FHIT: variants seen among roughly 807,000 people sequenced by gnomAD.
FHIT encodes the protein fragile histidine triad diadenosine triphosphatase, also known as bis(5'-adenosyl)-triphosphatase.
A neutral mutation model predicts 17.9 loss-of-function variants in FHIT; 19 were observed. That is an observed-to-expected ratio of 1.06 (90% CI 0.74 to 1.56). The LOEUF (loss-of-function observed/expected upper bound fraction) is 1.56. Among genes scored for constraint, FHIT ranks in the 40% most tolerant of loss-of-function variants. The pLI is 0.00. For missense variants in FHIT, 248 were observed against 189.2 expected, an observed-to-expected ratio of 1.31 and a Z score of -1.82; for synonymous variants, 81 against 69.7, an observed-to-expected ratio of 1.16 and a Z score of -0.81.
chr3:61,031,253 T>A (rs1015626192), intron 3 of FHIT, among the ~76,000 whole-genome samples: 6 of 152,232 alleles, frequency 3.9e-5, no homozygotes, highest in Admixed American at 6.5e-5. Context: ...AAACAAGTTA[T>A]TAAAATTTAT....
intron 3 of FHIT, among the ~76,000 whole-genome samples, chr3:60,835,363 A>T (rs539922840): frequency 2.9e-4 from 44 of 152,242 alleles, no homozygotes; most frequent in Non-Finnish European, 5.0e-4. Context: ...TGAACACAAC[A>T]TTTTTCTCCA....
intron 2 of FHIT, among the ~76,000 whole-genome samples, chr3:61,063,647 G>T (rs9311793): frequency 0.55 from 83,198 of 151,580 alleles, 23,934 homozygotes; most frequent in Non-Finnish European, 0.65. Context: ...GAATATGGGG[G>T]CCAGGACGTT....
Position 60,432,955 on chromosome 3 carries a change from C to A in FHIT, c.103+103905G>T, listed in dbSNP as rs566887591. Among the ~76,000 whole-genome samples the A allele has an allele frequency of 1.6e-3, 243 of 150,596 alleles. 3 individuals are homozygous for A. The highest frequency in any genetic ancestry group is 3.7e-4 in the Non-Finnish European group (25 of 67,784). On this transcript the variant is annotated intron_variant, in intron 5 of 9. Coordinates refer to ENST00000492590, the MANE Select transcript of FHIT (RefSeq NM_002012.4). ...ACTGTGATAACACTTAAGATACATACTCTTAAGAAAATTTTAAGTGCACTA... is the reference window on the plus strand; with the variant it reads ...ACTGTGATAACACTTAAGATACATAATCTTAAGAAAATTTTAAGTGCACTA...
At chr3:61,198,872 G>A (rs1205248424) in intron 2 of FHIT, among the ~76,000 whole-genome samples, 1 of 143,486 alleles carries the variant, frequency 7.0e-6, no homozygotes, top group Admixed American at 7.5e-5. Flanking sequence ...TCATAAAGAT[G>A]CTGTTGCTGC....
intron 5 of FHIT, among the ~76,000 whole-genome samples, chr3:60,161,276 C>G (rs1700925950): frequency 6.6e-6 from 1 of 152,174 alleles, no homozygotes. Context: ...ACAACCAAAC[C>G]CTTCCCATGG....
chr3:60,510,132 G>C (rs1033050783), intron 5 of FHIT, among the ~76,000 whole-genome samples: 2 of 152,132 alleles, frequency 1.3e-5, no homozygotes, highest in African/African-American at 4.8e-5. Flanking sequence ...ATAAAACAAA[G>C]GTCAGGTATG....
At position 59,999,552 on chromosome 3, in the gene FHIT, G is replaced by A. The variant is rs552974498; in HGVS notation, c.279+11819C>T. Among the ~76,000 whole-genome samples the A allele has an allele frequency of 3.3e-5, 5 of 152,264 alleles. No individual in the cohort carries two copies. In the East Asian group the frequency reaches 9.7e-4, roughly 29 times the overall value. On this transcript the variant is annotated intron_variant, in intron 7 of 9. Transcript: ENST00000492590. ...AATAACTGAATATTTTAGAGTGGAT[G>A]ATCTAGTGGAACGTGTCTTCTGTTA...
At chr3:60,559,585 A>T (rs2036859267) in intron 4 of FHIT, among the ~76,000 whole-genome samples, 1 of 152,178 alleles carries the variant, frequency 6.6e-6, no homozygotes, top group Admixed American at 6.5e-5. Flanking sequence ...GACAATGCAC[A>T]GTATAATGTT....
At chr3:61,006,169 T>A (rs1575826758) in intron 3 of FHIT, among the ~76,000 whole-genome samples, 1 of 152,308 alleles carries the variant, frequency 6.6e-6, no homozygotes, top group South Asian at 2.1e-4. Context: ...CAGTTTCACT[T>A]GAAAAAGGCC....
chr3:60,692,917 G>C (rs1553699819), intron 4 of FHIT, among the ~76,000 whole-genome samples: 1 of 152,210 alleles, frequency 6.6e-6, no homozygotes, highest in Non-Finnish European at 1.5e-5. Flanking sequence ...GCATGTTTCT[G>C]AAGCAGGGGA....
At chr3:60,074,975 G>A (rs1384451577) in intron 5 of FHIT, among the ~76,000 whole-genome samples, 1 of 152,074 alleles carries the variant, frequency 6.6e-6, no homozygotes, top group Non-Finnish European at 1.5e-5. Context: ...ATGGGTGAAT[G>A]TTACAGCAAA....
chr3:60,213,563 A>C (rs1703556001), intron 5 of FHIT, among the ~76,000 whole-genome samples: 1 of 152,156 alleles, frequency 6.6e-6, no homozygotes, highest in Admixed American at 6.5e-5. Flanking sequence ...AATGAATCCC[A>C]ACAACAGATT....
intron 5 of FHIT, among the ~76,000 whole-genome samples, chr3:60,393,832 A>C (rs1189467442): frequency 6.6e-6 from 1 of 152,168 alleles, no homozygotes; most frequent in Admixed American, 6.5e-5. Flanking sequence ...CACCTATGCC[A>C]GGCTTGGATT....
intron 5 of FHIT, among the ~76,000 whole-genome samples, chr3:60,360,285 C>T (rs974113021): frequency 3.3e-5 from 5 of 151,636 alleles, no homozygotes; most frequent in African/African-American, 1.2e-4. Flanking sequence ...TCTTGAAAAG[C>T]CTCCAGAAGG....
intron 7 of FHIT, among the ~76,000 whole-genome samples, chr3:59,963,079 C>A (rs942599230): frequency 6.6e-6 from 1 of 151,952 alleles, no homozygotes; most frequent in African/African-American, 2.4e-5. Context: ...CACGGTGAAA[C>A]CCCATCTCTA....
intron 4 of FHIT, among the ~76,000 whole-genome samples, chr3:60,562,570 T>A (rs143379424): frequency 6.6e-6 from 1 of 152,258 alleles, no homozygotes; most frequent in African/African-American, 2.4e-5. Context: ...AATAAGTTAG[T>A]TGGCCTACTT....
In FHIT at chr3:61,110,480, A is replaced by C. The variant is rs901541880; in HGVS notation, c.-163-68381T>G. 3.3e-5 allele frequency among the ~76,000 whole-genome samples: 5 copies of C among 152,058 alleles called. No individual in the cohort carries two copies. In the East Asian group the frequency reaches 7.7e-4, roughly 23 times the overall value. On this transcript the variant is annotated intron_variant, in intron 2 of 9. Coordinates refer to ENST00000492590, the MANE Select transcript of FHIT (RefSeq NM_002012.4). ...TCCTTACCTTGTTTGATAATTCCTC[A>C]TGGCATTTATCACTTTCTAACCCAA... is the stretch of plus-strand genomic sequence containing the variant.
chr3:60,405,609 G>A (rs1407853513), intron 5 of FHIT, among the ~76,000 whole-genome samples: 1 of 152,220 alleles, frequency 6.6e-6, no homozygotes, highest in East Asian at 1.9e-4. Flanking sequence ...CCCTGTGGCA[G>A]GTAGAGTGCC....
At chr3:59,894,579 C>A (rs1703987536) in intron 8 of FHIT, among the ~76,000 whole-genome samples, 1 of 152,140 alleles carries the variant, frequency 6.6e-6, no homozygotes, top group South Asian at 2.1e-4. Context: ...GTCAAATCTA[C>A]ACAGTTCTTT....
Sources: gnomAD v4.1 joint callset for allele counts (sites outside exome capture counted in the v4.1 genomes callset) on GRCh38, gnomAD v4.1.1 for gene constraint, MANE v1.5 for transcripts, NCBI Gene and HGNC (gene_info 2026-07-23, HGNC 2026-07-21) for gene names.